VPS13A: variants seen among roughly 807,000 people sequenced by gnomAD.
VPS13A encodes the protein intermembrane lipid transfer protein VPS13A.
In VPS13A, 264 loss-of-function variants were observed where a neutral mutation model predicts 390.9. That is an observed-to-expected ratio of 0.68 (90% CI 0.61 to 0.75). The LOEUF (loss-of-function observed/expected upper bound fraction) is 0.75. Ranked by LOEUF, VPS13A falls within the 30% of genes least tolerant of loss-of-function variation. VPS13A has a pLI of 0.00. For missense variants in VPS13A, 3,409 were observed against 3,733.9 expected, an observed-to-expected ratio of 0.91 and a Z score of 2.27; for synonymous variants, 1,231 against 1,227.1, an observed-to-expected ratio of 1.00 and a Z score of -0.07.
At chr9:77,369,278 A>G in intron 62 of VPS13A, 21 bp from the exon 63 acceptor site, 1 of 1,500,970 alleles carries the variant, frequency 6.7e-7, no homozygotes, top group Non-Finnish European at 9.3e-7. Flanking sequence ...GAATTGATTA[A>G]TGTTCATATT....
chr9:77,274,158 A>C, intron 24 of VPS13A, among the ~76,000 whole-genome samples: 1 of 152,164 alleles, frequency 6.6e-6, no homozygotes. Context: ...AGCCAGGCGC[A>C]GTGGCTCATG....
chr9:77,357,360 T>C (rs1434690210), intron 55 of VPS13A, among the ~76,000 whole-genome samples: 1 of 150,592 alleles, frequency 6.6e-6, no homozygotes, highest in African/African-American at 2.5e-5. Context: ...AAACTTTCTT[T>C]TAAGATACTA....
At chr9:77,366,677 T>C (rs367689518) in intron 60 of VPS13A, 50 bp from the exon 61 acceptor site, 1 of 1,498,054 alleles carries the variant, frequency 6.7e-7, no homozygotes, top group Non-Finnish European at 9.1e-7. Context: ...GAGTTAAAAT[T>C]GTCAATATGA....
chr9:77,330,383 T>C (rs1453380843), intron 45 of VPS13A, among the ~76,000 whole-genome samples: 4 of 152,178 alleles, frequency 2.6e-5, no homozygotes, highest in African/African-American at 9.7e-5. Context: ...TTATGCTCAT[T>C]CCGTTTTCCA....
chr9:77,275,285 T>G (rs1289693745), intron 24 of VPS13A, among the ~76,000 whole-genome samples: 2 of 152,164 alleles, frequency 1.3e-5, no homozygotes, highest in African/African-American at 4.8e-5. Context: ...TAACCAAGAA[T>G]GTTATTTAAA....
In VPS13A at chr9:77,315,297, A is replaced by G. The variant is rs775755427; in HGVS notation, c.4457A>G (p.Asp1486Gly). The stretch of plus-strand genomic sequence containing the variant: ...GGTTTTGACAAAAAAGACATGATGG[A>G]TATAAAGTACAGGAAAGTCAGAGAT... ...TVGFDKKDMM[D>G]IKYRKVRDGC... is the part of the protein sequence containing the mutation. Residue 1486 changes from aspartate (D) to glycine (G), a missense_variant, in exon 38 of 72, where the codon GAT (aspartate) becomes GGT (glycine). Physicochemically the swap from Asp to Gly is moderately conservative, Grantham distance 94. This residue lies in a region of VPS13A where 2,717 missense variants were observed against 2,917.4 expected (regional missense o/e 0.93). Coordinates refer to ENST00000360280, the MANE Select transcript of VPS13A (RefSeq NM_033305.3). 2.7e-5 allele frequency: 43 copies of G among 1,613,966 alleles called. No individual in the cohort carries two copies. The highest frequency in any genetic ancestry group is 3.6e-5 in the Non-Finnish European group (43 of 1,179,842).
intron 31 of VPS13A, among the ~76,000 whole-genome samples, chr9:77,289,186 A>G (rs1827508401): frequency 6.6e-6 from 1 of 152,176 alleles, no homozygotes; most frequent in African/African-American, 2.4e-5. Context: ...CAGCCTAAGT[A>G]GTAAGTAGCT....
Position 77,316,203 on chromosome 9 carries a change from A to G in VPS13A, c.4660A>G (p.Ile1554Val). 1 of 1,612,418 alleles carries G rather than the reference A, an allele frequency of 6.2e-7. No homozygotes were observed. The highest frequency in any genetic ancestry group is 8.5e-7 in the Non-Finnish European group (1 of 1,178,818). ...TACACAGGAATCAGTGAAGTGGGAA[A>G]TTAATGTTATTATTAAAAATCCTGA... ...VPTQESVKWE[I>V]NVIIKNPEIV... The change falls in exon 39 of 72, where the codon ATT (isoleucine) becomes GTT (valine). Residue 1554 changes from isoleucine (I) to valine (V), a missense_variant. Physicochemically the swap from Ile to Val is conservative, Grantham distance 29 (BLOSUM62 3). Around this residue, in one of 5 missense-constraint regions of VPS13A, gnomAD observed 2,717 missense variants for 2,917.4 expected, o/e 0.93. Transcript: ENST00000360280.
rs141331637 is a variant in VPS13A, at chr9:77,180,597, A to G, written c.100+2793A>G. The stretch of plus-strand genomic sequence containing the variant: ...TTAGGTTTTGGATTTCTTTTTGTAT[A>G]AGGTGTGTGATATGTGTTGAAGGTT... On this transcript the variant is annotated intron_variant, in intron 1 of 71. Coordinates refer to ENST00000360280, the MANE Select transcript of VPS13A (RefSeq NM_033305.3). Among the ~76,000 whole-genome samples the G allele has an allele frequency of 4.5e-3, 680 of 152,258 alleles. 4 individuals are homozygous for G. The highest frequency in any genetic ancestry group is 6.8e-3 in the Middle Eastern group (2 of 294).
At chr9:77,238,562 C>T (rs1032590726) in intron 19 of VPS13A, among the ~76,000 whole-genome samples, 176 bp downstream of exon 19, 6 of 152,126 alleles carry the variant, frequency 3.9e-5, no homozygotes, top group African/African-American at 1.2e-4. Context: ...AAACCATAAT[C>T]ATTTTTTACA....
chr9:77,303,795 A>G (rs1368835599), intron 34 of VPS13A, among the ~76,000 whole-genome samples: 2 of 152,190 alleles, frequency 1.3e-5, no homozygotes, highest in African/African-American at 2.4e-5. Flanking sequence ...TCAGTGGAGT[A>G]AAGAATAACA....
chr9:77,312,666 T>C (rs944724757), intron 35 of VPS13A, among the ~76,000 whole-genome samples: 5 of 151,998 alleles, frequency 3.3e-5, no homozygotes, highest in African/African-American at 1.2e-4. Flanking sequence ...CCGCCTGCCT[T>C]GGCCTCCCAA....
intron 50 of VPS13A, chr9:77,340,852 A>T (rs1830769687): frequency 3.0e-6 from 1 of 330,432 alleles, no homozygotes. Flanking sequence ...AAAGAGAAGG[A>T]AATTACTTAT....
At chr9:77,339,494 G>GTTTTTTTTTT in intron 47 of VPS13A, 22 bp from the exon 48 acceptor site, 1 of 1,343,316 alleles carries the variant, frequency 7.4e-7, no homozygotes. Flanking sequence ...ATTTTGTTTT[G>GTTTTTTTTTT]TTTTTTTTTT....
chr9:77,403,266 A>T lies in VPS13A; in HGVS notation c.9220A>T (p.Lys3074Ter). The T allele has an allele frequency of 6.2e-7, 1 of 1,612,432 alleles. No homozygotes were observed. Among genetic ancestry groups the T allele is most frequent in the Non-Finnish European group, 8.5e-7 (1 of 1,179,554 alleles). Residue 3074 changes from lysine to a stop codon, truncating the protein, a stop_gained, in exon 69 of 72, where the codon AAA (lysine) becomes TAA (stop). Coordinates refer to ENST00000360280, the MANE Select transcript of VPS13A (RefSeq NM_033305.3). LOFTEE classifies it high-confidence loss of function. The stretch of plus-strand genomic sequence containing the variant: ...GGAAAATGGAAGATTTGCAAAATAC[A>T]AATATTTTACCCATGTCATGATCAA... The part of the protein sequence containing the change: ...VMENGRFAKY[K>*]YFTHVMINKT...
chr9:77,247,198 A>G lies in VPS13A; in HGVS notation c.1901-61A>G. On this transcript the variant is annotated intron_variant, in intron 19 of 71. Coordinates refer to ENST00000360280, the MANE Select transcript of VPS13A (RefSeq NM_033305.3). Reference sequence around the variant, plus strand: ...GTTTTATCAGTTCATATATTTAGTGATTCTGTATTTCTCGAGTAATTTGTG... The same window carrying G: ...GTTTTATCAGTTCATATATTTAGTGGTTCTGTATTTCTCGAGTAATTTGTG... 8.7e-6 allele frequency: 12 copies of G among 1,371,678 alleles called. No individual in the cohort carries two copies. The South Asian group carries it at 1.1e-4, about 13-fold the overall frequency. 85.0% of individuals were successfully genotyped at this position (1,371,678 alleles called of 1,614,324 possible).
intron 63 of VPS13A, among the ~76,000 whole-genome samples, chr9:77,369,627 A>C (rs903366700): frequency 6.6e-6 from 1 of 152,188 alleles, no homozygotes; most frequent in Non-Finnish European, 1.5e-5. Context: ...AGCTACGCTG[A>C]ATTGTAAGTG....
chr9:77,379,566 G>T (rs1833318436), intron 67 of VPS13A, among the ~76,000 whole-genome samples: 1 of 151,628 alleles, frequency 6.6e-6, no homozygotes, highest in Non-Finnish European at 1.5e-5. Flanking sequence ...TAGAGATGGG[G>T]TTTCACCATG....
rs1189803172 is a variant in VPS13A at position 77,358,393 on chromosome 9, G to A, written c.7990G>A (p.Val2664Met). The part of the protein sequence containing the change: ...NQIHGAVFPF[V>M]FYPVKPPKSV... ...GATACATGGTGCTGTATTTCCCTTT[G>A]TGTTTTATCCTGTTAAACCTCCAAA... The change falls in exon 57 of 72, where the codon GTG (valine) becomes ATG (methionine). Residue 2664 changes from valine (V) to methionine (M), a missense_variant. Val to Met is a conservative substitution (Grantham distance 21, BLOSUM62 1). This residue lies in a region of VPS13A where 221 missense variants were observed against 300.7 expected (regional missense o/e 0.73). Coordinates refer to ENST00000360280, the MANE Select transcript of VPS13A (RefSeq NM_033305.3). The A allele has an allele frequency of 1.9e-6, 3 of 1,613,338 alleles. No individual in the cohort carries two copies. Among genetic ancestry groups the A allele is most frequent in the African/African-American group, 2.7e-5 (2 of 74,824 alleles).
Sources: allele counts gnomAD v4.1 joint callset (sites outside exome capture counted in the v4.1 genomes callset), GRCh38; gene constraint gnomAD v4.1.1; regional missense constraint gnomAD v4.1.1; transcripts MANE v1.5; gene names NCBI Gene and HGNC (gene_info 2026-07-23, HGNC 2026-07-21).